Variants in TAF8 observed in about 807,000 individuals in gnomAD.
The protein encoded by TAF8 is transcription initiation factor TFIID subunit 8.
In TAF8, 47 loss-of-function variants were observed where a neutral mutation model predicts 36.5. That is an observed-to-expected ratio of 1.29 (90% CI 1.02 to 1.64). The LOEUF (loss-of-function observed/expected upper bound fraction) is 1.64. TAF8 is among the 40% of genes most tolerant of loss of function. TAF8 has a pLI of 0.00. For synonymous variants in TAF8, 175 were observed against 159.5 expected (o/e 1.10, Z -0.73); for missense variants, 420 against 407.6 (o/e 1.03, Z -0.26).
chr6:42,053,667 CATAG>C (rs1327709123), intron 2 of TAF8, among the ~76,000 whole-genome samples: 1 of 151,910 alleles, frequency 6.6e-6, no homozygotes, highest in Non-Finnish European at 1.5e-5. Context: ...TCAAAAGTCA[CATAG>C]ACTCAGGAAA....
At chr6:42,074,800 G>C (rs1765690100) in intron 7 of TAF8, among the ~76,000 whole-genome samples, 2 of 150,918 alleles carry the variant, frequency 1.3e-5, no homozygotes, top group African/African-American at 4.9e-5. Flanking sequence ...GCCTCCCAAA[G>C]TGCTAGATTA....
intron 7 of TAF8, among the ~76,000 whole-genome samples, chr6:42,069,949 A>C (rs1765508522): frequency 6.6e-6 from 1 of 152,160 alleles, no homozygotes; most frequent in South Asian, 2.1e-4. Flanking sequence ...AGAAAAGAGC[A>C]ATTAGCTGTG....
At position 42,082,470 on chromosome 6, in the gene TAF8, C is replaced by T. The variant is rs1338718862; in HGVS notation, c.*4925C>T. On this transcript the variant is annotated 3_prime_UTR_variant, in exon 9 of 9. Coordinates refer to ENST00000372977, the MANE Select transcript of TAF8 (RefSeq NM_138572.3). ...TCTCCTGCCTCAGCCTCCCAAGTAGCTGGGATTACAGGCATGTGCCACCAC... is the reference window on the plus strand; with the variant it reads ...TCTCCTGCCTCAGCCTCCCAAGTAGTTGGGATTACAGGCATGTGCCACCAC... 6.6e-6 allele frequency: 1 copy of T among 152,328 alleles called. No homozygotes were observed. Among genetic ancestry groups the T allele is most frequent in the Non-Finnish European group, 1.5e-5 (1 of 68,136 alleles). 9.4% of individuals were successfully genotyped at this position (152,328 alleles called of 1,614,324 possible). A position where few individuals can be genotyped will look rare whatever the true frequency, so the allele number is the denominator to read the frequency against.
At chr6:42,055,390 T>G in intron 2 of TAF8, 141 bp from the exon 3 acceptor site, 2 of 629,652 alleles carry the variant, frequency 3.2e-6, no homozygotes, top group South Asian at 3.8e-5. Flanking sequence ...TGAACATTGG[T>G]GTACTAGTAG....
intron 8 of TAF8, 141 bp from the exon 9 acceptor site, chr6:42,077,392 C>G: frequency 6.6e-7 from 1 of 1,524,918 alleles, no homozygotes; most frequent in Non-Finnish European, 8.8e-7. Context: ...TTACTTGGCT[C>G]CCGTACATAG....
chr6:42,060,637 ACT>A (rs1481878917), intron 5 of TAF8, among the ~76,000 whole-genome samples: 1 of 151,982 alleles, frequency 6.6e-6, no homozygotes, highest in East Asian at 1.9e-4. Flanking sequence ...TTGTACAGAG[ACT>A]CTGTGTGGAC....
chr6:42,057,900 C>A (rs778553442), intron 5 of TAF8: 19 of 232,264 alleles, frequency 8.2e-5, no homozygotes, highest in Admixed American at 2.1e-4. Flanking sequence ...CCCAGTATTG[C>A]CTGTCCTACT....
rs753850736 is a variant in TAF8 at position 42,068,537 on chromosome 6, T to C, written c.710T>C (p.Met237Thr). The stretch of plus-strand genomic sequence containing the variant: ...CCGTCTGAACTGGAGATGCAACAAA[T>C]GGAAGAGACAGATTCCTCGGAGCAG... ...LLPSELEMQQ[M>T]EETDSSEQDE... Residue 237 changes from methionine to threonine, a missense_variant, in exon 7 of 9, where the codon ATG (methionine) becomes ACG (threonine). Transcript: ENST00000372977. 1.9e-6 allele frequency: 3 copies of C among 1,614,068 alleles called. No individual in the cohort carries two copies. The South Asian group carries it at 3.3e-5, about 18-fold the overall frequency.
At chr6:42,075,426 T>C (rs1348636260) in intron 7 of TAF8, among the ~76,000 whole-genome samples, 1 of 152,196 alleles carries the variant, frequency 6.6e-6, no homozygotes, top group Admixed American at 6.5e-5. Context: ...GAACAATTGA[T>C]AGGACAGGGA....
chr6:42,056,743 T>A (rs1255878935), intron 4 of TAF8, among the ~76,000 whole-genome samples: 1 of 152,154 alleles, frequency 6.6e-6, no homozygotes, highest in South Asian at 2.1e-4. Context: ...GTAGCTGGGA[T>A]TACAGGCGCT....
downstream of TAF8, among the ~76,000 whole-genome samples, chr6:42,084,429 C>A (rs1377609812): frequency 6.6e-6 from 1 of 151,990 alleles, no homozygotes; most frequent in Non-Finnish European, 1.5e-5. Flanking sequence ...CATGTATCAA[C>A]TTATTTATTT....
At chr6:42,070,947 TCTAGTC>T (rs1765544796) in intron 7 of TAF8, among the ~76,000 whole-genome samples, 2 of 152,232 alleles carry the variant, frequency 1.3e-5, no homozygotes, top group South Asian at 4.1e-4. Context: ...AAGGAGGTGT[TCTAGTC>T]CTAGTTTGTT....
intron 7 of TAF8, among the ~76,000 whole-genome samples, chr6:42,073,418 C>G (rs1765647850): frequency 6.6e-6 from 1 of 152,158 alleles, no homozygotes; most frequent in African/African-American, 2.4e-5. Flanking sequence ...TGATACCAAA[C>G]ACAATATATG....
intron 5 of TAF8, chr6:42,063,344 G>C (rs1048142033): frequency 6.6e-6 from 1 of 151,910 alleles, no homozygotes; most frequent in Non-Finnish European, 1.5e-5. Context: ...TGTATCTTCT[G>C]TAGAGACAAG....
chr6:42,058,334 T>G (rs1431603215), intron 5 of TAF8, among the ~76,000 whole-genome samples: 3 of 152,128 alleles, frequency 2.0e-5, no homozygotes, highest in Non-Finnish European at 1.5e-5. Context: ...GAGCTGAGAT[T>G]GCGCCACTGC....
At chr6:42,072,060 G>A (rs188447655) in intron 7 of TAF8, among the ~76,000 whole-genome samples, 48 of 152,280 alleles carry the variant, frequency 3.2e-4, no homozygotes, top group African/African-American at 8.2e-4. Flanking sequence ...ATGTGTGACC[G>A]TGATTGTGTT....
rs4711705 is a variant in TAF8, at chr6:42,081,445, C to T, written c.*3900C>T. The T allele has an allele frequency of 0.43, 65,244 of 151,864 alleles. 14,538 individuals carry two copies. Among genetic ancestry groups the T allele is most frequent in the Admixed American group, 0.49 (7,538 of 15,254 alleles). The allele number at this position is 151,864 out of a possible 1,614,324, so 9.4% of individuals were successfully genotyped here. On this transcript the variant is annotated 3_prime_UTR_variant, in exon 9 of 9. Transcript: ENST00000372977. ...TTGCAGTGGTGCAATCTCAGCTCAC[C>T]GCAAGCTCCGCCACCCAGGTTCACG...
Position 42,066,447 on chromosome 6 carries a change from A to C in TAF8, c.625A>C (p.Ser209Arg). The change falls in exon 6 of 9, where the codon AGC becomes CGC. Residue 209 changes from serine (S) to arginine (R), a missense_variant. Ser to Arg is a moderately radical substitution (Grantham distance 110). Coordinates refer to ENST00000372977, the MANE Select transcript of TAF8 (RefSeq NM_138572.3). ...TCAGAGTCTTTTCAAAGATGACGTC[A>C]GCACATTTCCATGTGAGAGTTGCCC... is the stretch of plus-strand genomic sequence containing the variant. The part of the protein sequence containing the change: ...ETQSLFKDDV[S>R]TFPLIAARPF... The C allele has an allele frequency of 6.2e-7, 1 of 1,614,198 alleles. No homozygotes were observed. Among genetic ancestry groups the C allele is most frequent in the Non-Finnish European group, 8.5e-7 (1 of 1,180,018 alleles).
chr6:42,085,221 C>T (rs1414299238), downstream of TAF8, among the ~76,000 whole-genome samples: 1 of 152,200 alleles, frequency 6.6e-6, no homozygotes, highest in Admixed American at 6.5e-5. Context: ...AAAGAACTTC[C>T]TCATTTGTTT....
Sources: allele counts gnomAD v4.1 joint callset (sites outside exome capture counted in the v4.1 genomes callset), GRCh38; gene constraint gnomAD v4.1.1; transcripts MANE v1.5; gene names NCBI Gene and HGNC (gene_info 2026-07-23, HGNC 2026-07-21).